Variants in LRRK1 observed in about 807,000 individuals in gnomAD.
The protein encoded by LRRK1 is leucine-rich repeat serine/threonine-protein kinase 1.
Under a neutral mutation model 209.1 loss-of-function variants are expected in LRRK1, and 113 were observed. The ratio of observed to expected loss-of-function variants is 0.54; its 90% confidence interval spans 0.46 to 0.63. The LOEUF is 0.63. Ranked by LOEUF, LRRK1 falls within the 30% of genes least tolerant of loss-of-function variation. The pLI, the probability that LRRK1 is intolerant of heterozygous loss-of-function variation, is 0.00. For synonymous variants in LRRK1, 1,144 were observed against 1,099.7 expected, an observed-to-expected ratio of 1.04 and a Z score of -0.80; for missense variants, 2,284 against 2,632.2, an observed-to-expected ratio of 0.87 and a Z score of 2.89.
At position 101,021,908 on chromosome 15, in the gene LRRK1, C is replaced by G; in HGVS notation, c.1803C>G (p.Asp601Glu). The G allele has an allele frequency of 6.2e-7, 1 of 1,614,074 alleles. No homozygotes were observed. Among genetic ancestry groups the G allele is most frequent in the South Asian group, 1.1e-5 (1 of 91,070 alleles). Residue 601 changes from aspartate to glutamate, a missense_variant, in exon 14 of 34, where the codon GAC (aspartate) becomes GAG (glutamate). Around this residue, in one of 6 missense-constraint regions of LRRK1, gnomAD observed 494 missense variants for 522.1 expected, o/e 0.95. Transcript: ENST00000388948. ...LGQLGNLWQL[D>E]TEDLTISNVP... ...AGCTGGGCAACCTCTGGCAGCTGGA[C>G]ACTGAAGACCTGACCATCAGCAATG...
intron 27 of LRRK1, among the ~76,000 whole-genome samples, chr15:101,055,834 T>C (rs1454549349): frequency 6.6e-6 from 1 of 152,214 alleles, no homozygotes; most frequent in East Asian, 1.9e-4. Context: ...TTACCACGCA[T>C]GTATTACATC....
intron 31 of LRRK1, among the ~76,000 whole-genome samples, chr15:101,063,971 C>T (rs1304871700): frequency 6.6e-6 from 1 of 152,220 alleles, no homozygotes; most frequent in Non-Finnish European, 1.5e-5. Flanking sequence ...CCAGCCAGGG[C>T]ACCACCTCCT....
intron 1 of LRRK1, among the ~76,000 whole-genome samples, chr15:100,920,737 A>G (rs2042006159): frequency 7.0e-6 from 1 of 143,624 alleles, no homozygotes; most frequent in African/African-American, 2.6e-5. Flanking sequence ...TTCTCTATAT[A>G]GCAGCGTGCG....
Position 101,014,302 on chromosome 15 carries a change from CCT to C in LRRK1, c.1420-4_1420-3del, listed in dbSNP as rs373037498. On this transcript the variant is annotated splice_polypyrimidine_tract_variant and intron_variant, in intron 10 of 33. Transcript: ENST00000388948. ...TGCTATCTTAGCTTCTCTCTCCCTC[CCT>C]CTCTCTCTCAGGCCCTCATGTTCTT... 114 of 1,562,932 alleles carry C rather than the reference CCT, an allele frequency of 7.3e-5. No homozygotes were observed. Among genetic ancestry groups the C allele is most frequent in the South Asian group, 9.0e-5 (8 of 89,310 alleles).
intron 2 of LRRK1, 32 bp from the exon 3 acceptor site, chr15:100,973,772 G>T: frequency 7.9e-7 from 1 of 1,262,916 alleles, no homozygotes; most frequent in South Asian, 2.9e-5. Context: ...AGTGGGCGGT[G>T]ACGCCGTGTG....
intron 30 of LRRK1, among the ~76,000 whole-genome samples, chr15:101,061,845 C>T (rs552496533): frequency 1.3e-3 from 198 of 152,256 alleles, no homozygotes; most frequent in Non-Finnish European, 2.4e-3. Flanking sequence ...CCCGTCTCTA[C>T]TAAAAAATAC....
In LRRK1 at chr15:100,960,277, C is replaced by CTTTTTTTTTTTTTTTTTTTTT. The variant is rs3031656; in HGVS notation, c.98-13511_98-13510insTTTTTTTTTTTTTTTTTTTTT. Among the ~76,000 whole-genome samples, 5 of 116,760 alleles carry CTTTTTTTTTTTTTTTTTTTTT rather than the reference C, an allele frequency of 4.3e-5. 2 individuals are homozygous for CTTTTTTTTTTTTTTTTTTTTT. The highest frequency in any genetic ancestry group is 1.9e-4 in the Admixed American group (2 of 10,648). The allele number at this position is 116,760 out of a possible 152,430, so 76.6% of individuals were successfully genotyped here. ...GCAATCAGCATCTACGTTCATATTG[C>CTTTTTTTTTTTTTTTTTTTTT]TTTTTTTTTTTTTTTTGCATAGTGC... On this transcript the variant is annotated intron_variant, in intron 2 of 33. Transcript: ENST00000388948.
At chr15:100,928,837 G>A (rs2042159931) in intron 2 of LRRK1, among the ~76,000 whole-genome samples, 1 of 152,190 alleles carries the variant, frequency 6.6e-6, no homozygotes, top group Non-Finnish European at 1.5e-5. Flanking sequence ...TGTGAGGCTG[G>A]GGTCTGTGTG....
In LRRK1 at chr15:101,022,055, T is replaced by C; in HGVS notation, c.1852+98T>C. Reference sequence around the variant, plus strand: ...GGGGGTGGAGACAGTTGGTGACCCATGGAGCCCAGCTCCAGGTTCCAGATT... The same window carrying C: ...GGGGGTGGAGACAGTTGGTGACCCACGGAGCCCAGCTCCAGGTTCCAGATT... On this transcript the variant is annotated intron_variant, in intron 14 of 33. Transcript: ENST00000388948. The surrounding 1 kb of genome is among the most constrained non-coding windows in gnomAD (Gnocchi z 4.0). The C allele has an allele frequency of 1.2e-6, 1 of 832,572 alleles. No homozygotes were observed. The highest frequency in any genetic ancestry group is 1.9e-6 in the Non-Finnish European group (1 of 526,668). 51.6% of individuals were successfully genotyped at this position (832,572 alleles called of 1,614,324 possible). A position where few individuals can be genotyped will look rare whatever the true frequency, so the allele number is the denominator to read the frequency against.
chr15:100,920,299 T>A (rs1385883136), intron 1 of LRRK1: 1 of 152,204 alleles, frequency 6.6e-6, no homozygotes, highest in East Asian at 1.9e-4. Flanking sequence ...CCTCTCACCG[T>A]GTACACTAAT....
chr15:101,031,691 G>C (rs1227686826), intron 20 of LRRK1, among the ~76,000 whole-genome samples: 1 of 151,720 alleles, frequency 6.6e-6, no homozygotes, highest in East Asian at 1.9e-4. Flanking sequence ...TCCCCCAAGA[G>C]ACTGTATGCT....
chr15:101,010,338 T>C (rs72765097), intron 7 of LRRK1, 112 bp from the exon 8 acceptor site: 54,925 of 1,152,988 alleles, frequency 0.048, 1,570 homozygotes, highest in South Asian at 0.065. Context: ...CTCTTTAACC[T>C]TGCATGGGGA....
rs996813533 is a variant in LRRK1, at chr15:101,070,121, C to T, written c.*1273C>T. ...ATTCTTTCAAGAACGAAGCTGTGGC[C>T]TCTGTCTTTTGAGCGCTTATGACCA... is the stretch of plus-strand genomic sequence containing the variant. On this transcript the variant is annotated 3_prime_UTR_variant, in exon 34 of 34. Transcript: ENST00000388948. 6.6e-6 allele frequency: 1 copy of T among 152,124 alleles called. No homozygotes were observed. The highest frequency in any genetic ancestry group is 2.4e-5 in the African/African-American group (1 of 41,398). The allele number at this position is 152,124 out of a possible 1,614,324, so 9.4% of individuals were successfully genotyped here.
chr15:101,055,458 C>T (rs2035743774), intron 27 of LRRK1, among the ~76,000 whole-genome samples: 1 of 152,122 alleles, frequency 6.6e-6, no homozygotes, highest in African/African-American at 2.4e-5. Context: ...CTTCTCAGAC[C>T]TTGATTCAGT....
At chr15:101,047,886 C>T (rs1049449420) in intron 21 of LRRK1, among the ~76,000 whole-genome samples, 24 of 152,144 alleles carry the variant, frequency 1.6e-4, no homozygotes, top group African/African-American at 5.6e-4. Flanking sequence ...TCATGTAACT[C>T]AAGGTGGTTT....
At chr15:100,951,863 A>G (rs1011917543) in intron 2 of LRRK1, among the ~76,000 whole-genome samples, 1 of 151,918 alleles carries the variant, frequency 6.6e-6, no homozygotes, top group African/African-American at 2.4e-5. Flanking sequence ...GAGGCAGGAG[A>G]ATGGCTTGAA....
intron 2 of LRRK1, 47 bp downstream of exon 2, chr15:100,924,776 G>A: frequency 7.0e-7 from 1 of 1,422,774 alleles, no homozygotes; most frequent in Non-Finnish European, 9.9e-7. Context: ...GACCTGCCAT[G>A]CTCATCCTGC....
chr15:100,992,412 T>G (rs2032195516), intron 6 of LRRK1, among the ~76,000 whole-genome samples: 1 of 152,218 alleles, frequency 6.6e-6, no homozygotes, highest in Non-Finnish European at 1.5e-5. Flanking sequence ...AATGTTGCAT[T>G]GACATTTTTC....
intron 6 of LRRK1, among the ~76,000 whole-genome samples, chr15:100,997,250 A>G (rs1156996309): frequency 6.6e-6 from 1 of 152,232 alleles, no homozygotes; most frequent in African/African-American, 2.4e-5. Flanking sequence ...ACATAATTTT[A>G]AAAAGAAAAG....
Sources: allele counts gnomAD v4.1 joint callset (sites outside exome capture counted in the v4.1 genomes callset), GRCh38; gene constraint gnomAD v4.1.1; regional missense constraint gnomAD v4.1.1; non-coding constraint Gnocchi (gnomAD v3.1); transcripts MANE v1.5; gene names NCBI Gene and HGNC (gene_info 2026-07-23, HGNC 2026-07-21).